TANGO6: variants seen among roughly 807,000 people sequenced by gnomAD.
TANGO6 encodes transport and golgi organization 6 homolog, also known as transport and Golgi organization protein 6 homolog.
Under a neutral mutation model 114.2 loss-of-function variants are expected in TANGO6, and 90 were observed. The observed-to-expected ratio is 0.79, with a 90% CI of 0.66 to 0.94. TANGO6 has a LOEUF of 0.94. Ranked by LOEUF, TANGO6 falls within the 40% of genes least tolerant of loss-of-function variation. TANGO6 has a pLI of 0.00. For missense variants in TANGO6, 1,274 were observed against 1,315.3 expected (o/e 0.97, Z 0.49); for synonymous variants, 477 against 509.8 (o/e 0.94, Z 0.87).
At chr16:68,921,607 CTTTT>C (rs1167059062) in intron 12 of TANGO6, among the ~76,000 whole-genome samples, 2 of 57,942 alleles carry the variant, frequency 3.5e-5, no homozygotes, top group African/African-American at 8.3e-5. Context: ...TGAGAGTGTG[CTTTT>C]TTTTTTTTTT....
intron 1 of TANGO6, among the ~76,000 whole-genome samples, chr16:68,855,029 G>C (rs1374564191): frequency 1.3e-5 from 2 of 150,296 alleles, no homozygotes; most frequent in African/African-American, 4.9e-5. Flanking sequence ...TTCCAAGACA[G>C]AGTCTTGCTC....
Position 68,907,589 on chromosome 16 carries a change from G to A in TANGO6, c.1800+14G>A, listed in dbSNP as rs1962870607. ...TTCTGTTTGAAAGTAAGAACTACCT[G>A]TAGTTCCTGGTCAGTGTTGTTCCAG... On this transcript the variant is annotated intron_variant, in intron 10 of 17. Coordinates refer to ENST00000261778, the MANE Select transcript of TANGO6 (RefSeq NM_024562.2). 1 of 1,607,438 alleles carries A rather than the reference G, an allele frequency of 6.2e-7. No individual in the cohort carries two copies. Among genetic ancestry groups the A allele is most frequent in the Non-Finnish European group, 8.5e-7 (1 of 1,177,172 alleles).
intron 1 of TANGO6, among the ~76,000 whole-genome samples, chr16:68,844,718 A>T (rs1254746962): frequency 6.6e-6 from 1 of 152,180 alleles, no homozygotes; most frequent in Non-Finnish European, 1.5e-5. Context: ...GTTGACATAC[A>T]CATCATTTAA....
chr16:68,971,932 C>T (rs1030166093), intron 14 of TANGO6, among the ~76,000 whole-genome samples: 2 of 152,106 alleles, frequency 1.3e-5, no homozygotes, highest in East Asian at 1.9e-4. Flanking sequence ...TGCGCCCAGC[C>T]GATGCAGACA....
At chr16:68,883,707 A>G (rs1473786882) in intron 7 of TANGO6, among the ~76,000 whole-genome samples, 3 of 152,098 alleles carry the variant, frequency 2.0e-5, no homozygotes, top group East Asian at 3.9e-4. Flanking sequence ...TAGTAACTCT[A>G]TGTTTTACTG....
In TANGO6 at chr16:68,860,385, G is replaced by T. The variant is rs973376792; in HGVS notation, c.596G>T (p.Cys199Phe). The T allele has an allele frequency of 9.9e-6, 16 of 1,613,992 alleles. No homozygotes were observed. The highest frequency in any genetic ancestry group is 1.4e-5 in the Non-Finnish European group (16 of 1,179,884). ...GCAACTCGAAGACTGTACACCAGCT[G>T]CAAGGCCCTTCTGAATGTTGCTCAG... ...PDATRRLYTS[C>F]KALLNVAQHT... is the part of the protein sequence containing the mutation. The change falls in exon 2 of 18, where the codon TGC becomes TTC. Residue 199 changes from cysteine (C) to phenylalanine (F), a missense_variant. By Grantham distance (205) the Cys-to-Phe change is radical. Around this residue, in one of 5 missense-constraint regions of TANGO6, gnomAD observed 908 missense variants for 910.2 expected, o/e 1.00. Coordinates refer to ENST00000261778, the MANE Select transcript of TANGO6 (RefSeq NM_024562.2).
At chr16:68,909,549 A>G (rs756699641) in intron 11 of TANGO6, 147 bp downstream of exon 11, 23 of 659,858 alleles carry the variant, frequency 3.5e-5, no homozygotes, top group Non-Finnish European at 4.6e-5. Flanking sequence ...TACACAGCCC[A>G]CACCAGGCCA....
intron 14 of TANGO6, among the ~76,000 whole-genome samples, chr16:68,954,322 G>T (rs1963505234): frequency 6.6e-6 from 1 of 151,204 alleles, no homozygotes; most frequent in South Asian, 2.1e-4. Flanking sequence ...CAGGACTACA[G>T]CAGGGAGGAG....
In TANGO6 at chr16:69,019,876, C is replaced by T. The variant is rs145685212; in HGVS notation, c.2843-2952C>T. Among the ~76,000 whole-genome samples the T allele has an allele frequency of 4.7e-4, 71 of 152,230 alleles. No homozygotes were observed. In the East Asian group the frequency reaches 0.01, roughly 22 times the overall value. On this transcript the variant is annotated intron_variant, in intron 15 of 17. Coordinates refer to ENST00000261778, the MANE Select transcript of TANGO6 (RefSeq NM_024562.2). ...TTAAAGGGTAAAAATAGTATTTCAT[C>T]AGTTCTTGTATTCCTAGAATATTAG... is the stretch of plus-strand genomic sequence containing the variant.
intron 15 of TANGO6, among the ~76,000 whole-genome samples, chr16:69,014,914 A>G (rs2152225366): frequency 6.6e-6 from 1 of 152,120 alleles, no homozygotes; most frequent in South Asian, 2.1e-4. Flanking sequence ...AAAAAAAAGA[A>G]AAAGAAAAGA....
intron 15 of TANGO6, among the ~76,000 whole-genome samples, chr16:68,984,351 A>C (rs977801799): frequency 1.3e-5 from 2 of 152,164 alleles, no homozygotes; most frequent in Non-Finnish European, 2.9e-5. Flanking sequence ...GGAAATACTA[A>C]TATGGCCAGA....
intron 14 of TANGO6, among the ~76,000 whole-genome samples, chr16:68,966,685 C>T (rs193968): frequency 0.37 from 55,345 of 151,590 alleles, 11,903 homozygotes; most frequent in South Asian, 0.5. Context: ...GCTCACTAAA[C>T]CTTGAATTAC....
chr16:68,873,755 T>TG (rs923753568), intron 4 of TANGO6, among the ~76,000 whole-genome samples: 3 of 152,254 alleles, frequency 2.0e-5, no homozygotes, highest in Non-Finnish European at 4.4e-5. Flanking sequence ...CATTGCTGAG[T>TG]GCCAGATTTT....
At chr16:68,982,449 TCTC>T (rs1223304842) in intron 15 of TANGO6, among the ~76,000 whole-genome samples, 1 of 151,704 alleles carries the variant, frequency 6.6e-6, no homozygotes, top group Non-Finnish European at 1.5e-5. Flanking sequence ...CCTGCTTCAG[TCTC>T]CTGAGTAGCT....
At chr16:69,063,808 C>CTTATTA (rs1179628552) in intron 17 of TANGO6, among the ~76,000 whole-genome samples, 4,538 of 125,408 alleles carry the variant, frequency 0.036, 108 homozygotes, top group Admixed American at 0.053. Flanking sequence ...TCTTCTTCTT[C>CTTATTA]TTATTATTAT....
At chr16:68,946,290 C>A (rs1471398500) in intron 14 of TANGO6, among the ~76,000 whole-genome samples, 1 of 151,738 alleles carries the variant, frequency 6.6e-6, no homozygotes, top group Non-Finnish European at 1.5e-5. Context: ...CTCCCGGGTT[C>A]ACGCCATTCT....
chr16:68,943,660 C>T (rs544057464), intron 14 of TANGO6, among the ~76,000 whole-genome samples: 4 of 152,020 alleles, frequency 2.6e-5, no homozygotes, highest in Admixed American at 6.6e-5. Flanking sequence ...CCACCGCACC[C>T]GGCCAAGATA....
At chr16:68,975,176 G>A (rs1423455824) in intron 15 of TANGO6, among the ~76,000 whole-genome samples, 1 of 152,110 alleles carries the variant, frequency 6.6e-6, no homozygotes, top group African/African-American at 2.4e-5. Context: ...TTGTAAACAG[G>A]CTGTTACTAA....
Position 68,927,662 on chromosome 16 carries a change from C to T in TANGO6, c.2222C>T (p.Ala741Val). The T allele has an allele frequency of 6.2e-7, 1 of 1,614,034 alleles. No homozygotes were observed. Among genetic ancestry groups the T allele is most frequent in the Non-Finnish European group, 8.5e-7 (1 of 1,179,904 alleles). Residue 741 changes from alanine to valine, a missense_variant, in exon 13 of 18, where the codon GCT (alanine) becomes GTT (valine). Coordinates refer to ENST00000261778, the MANE Select transcript of TANGO6 (RefSeq NM_024562.2). ...TYPDPVIQELAVDLRITISTH... is the reference protein window; with the variant it reads ...TYPDPVIQELVVDLRITISTH... ...CCTGATCCGGTCATCCAAGAACTCG[C>T]TGTTGATCTCCGCATCACCATCTCT... is the stretch of plus-strand genomic sequence containing the variant.
Sources: gnomAD v4.1 joint callset for allele counts (sites outside exome capture counted in the v4.1 genomes callset) on GRCh38, gnomAD v4.1.1 for gene constraint, gnomAD v4.1.1 regional missense constraint, MANE v1.5 for transcripts, NCBI Gene and HGNC (gene_info 2026-07-23, HGNC 2026-07-21) for gene names.